RBM33: variants seen among roughly 807,000 people sequenced by gnomAD.
RBM33 encodes the protein RNA binding motif protein 33.
A neutral mutation model predicts 132.6 loss-of-function variants in RBM33; 28 were observed. The ratio of observed to expected loss-of-function variants is 0.21; its 90% CI spans 0.16 to 0.29. The LOEUF is 0.29. Among genes scored for constraint, RBM33 ranks in the 10% least tolerant of loss-of-function variants. The pLI is 1.00. For synonymous variants in RBM33, 634 were observed against 593.0 expected, an observed-to-expected ratio of 1.07 and a Z score of -1.01; for missense variants, 1,291 against 1,518.5, an observed-to-expected ratio of 0.85 and a Z score of 2.49.
chr7:155,735,840 T>TA (rs1801109885), intron 9 of RBM33, among the ~76,000 whole-genome samples: 1 of 152,224 alleles, frequency 6.6e-6, no homozygotes, highest in African/African-American at 2.4e-5. Flanking sequence ...TATTCTCACT[T>TA]ACAAATATAT....
intron 14 of RBM33, among the ~76,000 whole-genome samples, chr7:155,752,139 C>A (rs76577305): frequency 0.027 from 4,116 of 152,332 alleles, 89 homozygotes; most frequent in South Asian, 0.055. Context: ...CATGTCCTCA[C>A]TTTCTGGTGC....
At chr7:155,700,660 G>A in intron 5 of RBM33, 113 bp from the exon 6 acceptor site, 1 of 715,150 alleles carries the variant, frequency 1.4e-6, no homozygotes, top group Non-Finnish European at 2.1e-6. Flanking sequence ...ACATTTTGCA[G>A]TATTTTTTAC....
chr7:155,704,835 A>T (rs1176465320), intron 6 of RBM33, among the ~76,000 whole-genome samples: 1 of 152,160 alleles, frequency 6.6e-6, no homozygotes, highest in Non-Finnish European at 1.5e-5. Flanking sequence ...TGTGGGAAAG[A>T]GATTTCTCGG....
In RBM33 at chr7:155,764,000, A is replaced by C. The variant is rs999270691; in HGVS notation, c.3168A>C (p.Gly1056=). ...PVPPGIKSIQ[G]IHPAKKAIMH... ...CTCCAGGGATCAAAAGCATCCAAGG[A>C]ATTCACCCGGCGAAGAAGGTACTGC... Residue 1056 remains glycine (G), a synonymous_variant, in exon 15 of 18, where the codon GGA becomes GGC. Transcript: ENST00000401878. 6.4e-7 allele frequency: 1 copy of C among 1,556,054 alleles called. No individual in the cohort carries two copies.
intron 2 of RBM33, 33 bp from the exon 3 acceptor site, chr7:155,672,834 A>G: frequency 6.6e-7 from 1 of 1,512,750 alleles, no homozygotes; most frequent in Non-Finnish European, 9.0e-7. Flanking sequence ...TTATGGGAAT[A>G]ATCATTGACA....
intron 8 of RBM33, among the ~76,000 whole-genome samples, chr7:155,716,815 C>CT (rs757612105): frequency 1.4e-4 from 22 of 152,154 alleles, no homozygotes; most frequent in East Asian, 1.4e-3. Context: ...CTGACCCACT[C>CT]TAATTTTGAA....
chr7:155,742,368 T>C (rs1801377555), intron 13 of RBM33, among the ~76,000 whole-genome samples: 1 of 152,144 alleles, frequency 6.6e-6, no homozygotes, highest in African/African-American at 2.4e-5. Context: ...CTTAACAAAC[T>C]TTTTCTGTAA....
intron 9 of RBM33, among the ~76,000 whole-genome samples, chr7:155,734,607 CTA>C: frequency 6.6e-6 from 1 of 152,150 alleles, no homozygotes; most frequent in Middle Eastern, 3.4e-3. Context: ...ATTTTGATCC[CTA>C]TGTTTTTCAT....
chr7:155,739,780 C>CCCGCCACAGCACCAGCCT lies in RBM33; in HGVS notation c.1808_1825dup (p.Pro603_Pro608dup). On this transcript the variant is annotated inframe_insertion, in exon 12 of 18. Coordinates refer to ENST00000401878, the MANE Select transcript of RBM33 (RefSeq NM_053043.3). ...AGCCTCAGCAACCTCAGCAACAGCC[C>CCCGCCACAGCACCAGCCT]CCGCCACAGCACCAGCCTCCGCACC... 1 of 1,537,492 alleles carries CCCGCCACAGCACCAGCCT rather than the reference C, an allele frequency of 6.5e-7. No homozygotes were observed. The highest frequency in any genetic ancestry group is 8.8e-7 in the Non-Finnish European group (1 of 1,137,336).
At chr7:155,672,838 A>G (rs1265949108) in intron 2 of RBM33, 29 bp from the exon 3 acceptor site, 1 of 1,522,678 alleles carries the variant, frequency 6.6e-7, no homozygotes, top group Non-Finnish European at 8.9e-7. Flanking sequence ...GGGAATAATC[A>G]TTGACATGTC....
chr7:155,755,823 C>CT (rs36077023), intron 14 of RBM33, among the ~76,000 whole-genome samples: 24,746 of 150,576 alleles, frequency 0.16, 2,074 homozygotes, highest in East Asian at 0.28. Context: ...CTACAGACCT[C>CT]TTTTTTTTTG....
chr7:155,760,406 T>C (rs1448487705), intron 14 of RBM33, among the ~76,000 whole-genome samples: 1 of 152,200 alleles, frequency 6.6e-6, no homozygotes, highest in Non-Finnish European at 1.5e-5. Context: ...TCAGTAAGAC[T>C]GTTGGGTTGC....
In RBM33 at chr7:155,737,987, T is replaced by G. The variant is rs1474610445; in HGVS notation, c.1394-73T>G. ...GTGACTTCTGTCCACAGTAGGATAGTGCTTCAGACTGCTTTTCTGAGAAGC... is the reference window on the plus strand; with the variant it reads ...GTGACTTCTGTCCACAGTAGGATAGGGCTTCAGACTGCTTTTCTGAGAAGC... On this transcript the variant is annotated intron_variant, in intron 10 of 17. Transcript: ENST00000401878. 6 of 1,294,520 alleles carry G rather than the reference T, an allele frequency of 4.6e-6. No individual in the cohort carries two copies. The African/African-American group carries it at 8.8e-5, about 19-fold the overall frequency. 80.2% of individuals were successfully genotyped at this position (1,294,520 alleles called of 1,614,324 possible). A position where few individuals can be genotyped will look rare whatever the true frequency, so the allele number is the denominator to read the frequency against.
At chr7:155,650,338 C>A (rs1006912397) in intron 1 of RBM33, among the ~76,000 whole-genome samples, 1 of 152,194 alleles carries the variant, frequency 6.6e-6, no homozygotes, top group East Asian at 1.9e-4. Flanking sequence ...TGCCTCTGAG[C>A]TGTGAAACGC....
chr7:155,656,909 A>G (rs79283624), intron 1 of RBM33, among the ~76,000 whole-genome samples: 5,669 of 150,484 alleles, frequency 0.038, 348 homozygotes, highest in African/African-American at 0.13. Context: ...ATATTAGTTT[A>G]TTGGGATTAC....
chr7:155,758,907 G>A lies in RBM33; in HGVS notation c.2980-4905G>A, dbSNP rs1282151514. ...TGCATCCCAACCTGCCACTGGGACCGAAGAGTCTGTCAGTCTGGGCCCAAG... is the reference window on the plus strand; with the variant it reads ...TGCATCCCAACCTGCCACTGGGACCAAAGAGTCTGTCAGTCTGGGCCCAAG... On this transcript the variant is annotated intron_variant, in intron 14 of 17. Transcript: ENST00000401878. Among the ~76,000 whole-genome samples, 5 of 152,158 alleles carry A rather than the reference G, an allele frequency of 3.3e-5. No individual in the cohort carries two copies. In the East Asian group the frequency reaches 7.8e-4, roughly 24 times the overall value.
rs185786902 is a variant in RBM33, at chr7:155,700,042, A to G, written c.568-731A>G. Among the ~76,000 whole-genome samples, 21 of 152,346 alleles carry G rather than the reference A, an allele frequency of 1.4e-4. No homozygotes were observed. In the East Asian group the frequency reaches 4.0e-3, roughly 29 times the overall value. On this transcript the variant is annotated intron_variant, in intron 5 of 17. Coordinates refer to ENST00000401878, the MANE Select transcript of RBM33 (RefSeq NM_053043.3). ...AGGAACATGAGTGATACTTGGCAGT[A>G]AGAATTGTCCACAAAGAAATTACTT...
At chr7:155,674,076 T>TGGC (rs1235404804) in intron 3 of RBM33, among the ~76,000 whole-genome samples, 3 of 151,196 alleles carry the variant, frequency 2.0e-5, no homozygotes, top group African/African-American at 7.3e-5. Context: ...GCAGGTCGCC[T>TGGC]GGCTTTGGCC....
intron 16 of RBM33, among the ~76,000 whole-genome samples, chr7:155,770,967 A>G (rs190766104): frequency 5.9e-5 from 9 of 152,272 alleles, no homozygotes; most frequent in Non-Finnish European, 1.0e-4. Flanking sequence ...TTTGCTACTT[A>G]TTTAGTAGCC....
Sources: allele counts gnomAD v4.1 joint callset (sites outside exome capture counted in the v4.1 genomes callset), GRCh38; gene constraint gnomAD v4.1.1; transcripts MANE v1.5; gene names NCBI Gene and HGNC (gene_info 2026-07-23, HGNC 2026-07-21).